Variants in IL1RAPL2 observed in about 807,000 individuals in gnomAD.
The protein encoded by IL1RAPL2 is X-linked interleukin-1 receptor accessory protein-like 2.
In IL1RAPL2, 3 loss-of-function variants were observed where a neutral mutation model predicts 44.1. That is an observed-to-expected ratio of 0.07 (90% CI 0.03 to 0.18). IL1RAPL2 has a LOEUF of 0.18. Ranked by LOEUF, IL1RAPL2 falls within the 10% of genes least tolerant of loss-of-function variation. The pLI is 1.00. For missense variants in IL1RAPL2, 391 were observed against 496.4 expected, an observed-to-expected ratio of 0.79 and a Z score of 2.02; for synonymous variants, 181 against 178.8, an observed-to-expected ratio of 1.01 and a Z score of -0.10.
At chrX:105,315,322 A>G (rs1326369727) in intron 5 of IL1RAPL2, among the ~76,000 whole-genome samples, 1 of 108,396 alleles carries the variant, frequency 9.2e-6, no homozygotes, top group Non-Finnish European at 1.9e-5. Flanking sequence ...GGCAAAGGCA[A>G]CTTTGAAGAG....
intron 6 of IL1RAPL2, among the ~76,000 whole-genome samples, chrX:105,538,957 A>G (rs1447134466): frequency 9.0e-6 from 1 of 111,343 alleles, no homozygotes; most frequent in Non-Finnish European, 1.9e-5. Context: ...TAAAAAGAAT[A>G]AAATACCTAG....
chrX:105,357,204 A>G (rs946914793), intron 5 of IL1RAPL2, among the ~76,000 whole-genome samples: 9 of 111,297 alleles, frequency 8.1e-5, no homozygotes, highest in Admixed American at 1.9e-4. Context: ...TAAAAAGGAA[A>G]TCATCTCATA....
chrX:105,224,744 T>C (rs184408544), intron 3 of IL1RAPL2, among the ~76,000 whole-genome samples: 1 of 111,894 alleles, frequency 8.9e-6, no homozygotes, highest in Non-Finnish European at 1.9e-5. Context: ...TGCAAAAATA[T>C]CAGTGTAATC....
intron 2 of IL1RAPL2, among the ~76,000 whole-genome samples, chrX:105,101,143 G>A (rs1602954746): frequency 8.9e-6 from 1 of 111,889 alleles, no homozygotes; most frequent in South Asian, 3.7e-4. Flanking sequence ...TCTCCCCAGT[G>A]GGCACATGAT....
intron 3 of IL1RAPL2, among the ~76,000 whole-genome samples, chrX:105,208,091 G>A (rs1386609601): frequency 9.0e-6 from 1 of 111,678 alleles, no homozygotes; most frequent in Non-Finnish European, 1.9e-5. Context: ...CATGGGCCAT[G>A]CACAGGGAAA....
chrX:105,003,013 G>T (rs2030879210), intron 2 of IL1RAPL2, among the ~76,000 whole-genome samples: 1 of 111,225 alleles, frequency 9.0e-6, no homozygotes, highest in African/African-American at 3.3e-5. Context: ...TGGATGGGAG[G>T]ATGCAATCAA....
intron 2 of IL1RAPL2, among the ~76,000 whole-genome samples, chrX:105,183,252 G>A (rs1186512891): frequency 9.0e-6 from 1 of 111,204 alleles, no homozygotes; most frequent in Non-Finnish European, 1.9e-5. Flanking sequence ...AGGCGGGGGG[G>A]CAATGGTTGG....
chrX:105,566,443 C>T, intron 6 of IL1RAPL2, among the ~76,000 whole-genome samples: 1 of 111,571 alleles, frequency 9.0e-6, no homozygotes, highest in East Asian at 2.9e-4. Flanking sequence ...AATGTATACA[C>T]CCTCCCAAGC....
intron 6 of IL1RAPL2, among the ~76,000 whole-genome samples, chrX:105,562,355 A>G (rs2036944302): frequency 1.8e-5 from 2 of 111,261 alleles, no homozygotes. Context: ...CAAAATAGCT[A>G]AAAGAATGGA....
At chrX:104,829,867 G>A (rs922069943) in intron 2 of IL1RAPL2, among the ~76,000 whole-genome samples, 14 of 111,884 alleles carry the variant, frequency 1.3e-4, no homozygotes, top group South Asian at 3.7e-4. Flanking sequence ...TGTACATAGC[G>A]TTCTGTTAAA....
At chrX:105,732,408 A>C (rs2038413877) in intron 7 of IL1RAPL2, among the ~76,000 whole-genome samples, 1 of 110,207 alleles carries the variant, frequency 9.1e-6, no homozygotes, top group Middle Eastern at 4.7e-3. Context: ...TGTTCTCATG[A>C]TAGTGAGTGA....
chrX:105,457,318 A>C (rs770419854), intron 5 of IL1RAPL2, among the ~76,000 whole-genome samples: 1 of 111,425 alleles, frequency 9.0e-6, no homozygotes, highest in Non-Finnish European at 1.9e-5. Flanking sequence ...TGTATTCACA[A>C]TGTTGTGTAT....
At chrX:105,407,166 A>T (rs1013596602) in intron 5 of IL1RAPL2, 1 of 437,287 alleles carries the variant, frequency 2.3e-6, no homozygotes, top group Non-Finnish European at 4.1e-6. Context: ...AAAAAAAAAA[A>T]CACATTTAGA....
At chrX:104,769,856 T>G (rs1378961049) in intron 2 of IL1RAPL2, among the ~76,000 whole-genome samples, 3 of 112,106 alleles carry the variant, frequency 2.7e-5, no homozygotes, top group African/African-American at 9.7e-5. Flanking sequence ...CTAAGCATCA[T>G]GGCTTGGTTT....
At chrX:105,276,864 G>T (rs758314045) in intron 5 of IL1RAPL2, among the ~76,000 whole-genome samples, 1 of 111,862 alleles carries the variant, frequency 8.9e-6, no homozygotes, top group African/African-American at 3.2e-5. Context: ...GTGGCCTGGA[G>T]AGCAGTTAAA....
intron 1 of IL1RAPL2, among the ~76,000 whole-genome samples, chrX:104,652,103 G>A (rs1370798203): frequency 8.9e-6 from 1 of 112,122 alleles, no homozygotes; most frequent in Non-Finnish European, 1.9e-5. Context: ...ATTTATTCAT[G>A]AACTTTCACA....
chrX:105,077,077 C>A (rs1257941278), intron 2 of IL1RAPL2, among the ~76,000 whole-genome samples: 1 of 110,995 alleles, frequency 9.0e-6, no homozygotes, highest in Non-Finnish European at 1.9e-5. Context: ...TGAATTTGAT[C>A]CTGTCATTAT....
intron 2 of IL1RAPL2, among the ~76,000 whole-genome samples, chrX:104,672,924 G>C (rs774083875): frequency 1.5e-4 from 17 of 111,394 alleles, no homozygotes; most frequent in East Asian, 1.4e-3. Context: ...CATGTCCTTC[G>C]CCCACTTTTT....
chrX:105,255,611 T>A (rs1453342428), intron 4 of IL1RAPL2, among the ~76,000 whole-genome samples: 1 of 112,076 alleles, frequency 8.9e-6, no homozygotes, highest in Non-Finnish European at 1.9e-5. Context: ...AGAGATAGTT[T>A]GACTTCTTCT....
Sources: gnomAD v4.1 joint callset for allele counts (sites outside exome capture counted in the v4.1 genomes callset) on GRCh38, gnomAD v4.1.1 for gene constraint, MANE v1.5 for transcripts, NCBI Gene and HGNC (gene_info 2026-07-23, HGNC 2026-07-21) for gene names.